The following LPA variants were observed in gnomAD, a reference collection of about 807,000 sequenced individuals.
LPA encodes the protein lipoprotein(a), also known as apolipoprotein(a).
In LPA, 199 loss-of-function variants were observed where a neutral mutation model predicts 197.9. The ratio of observed to expected loss-of-function variants is 1.01; its 90% CI spans 0.90 to 1.13. LPA has a LOEUF of 1.13. Among genes scored for constraint, LPA ranks in the 50% most tolerant of loss-of-function variants. LPA has a pLI of 0.00. For missense variants in LPA, 1,853 were observed against 1,785.8 expected (o/e 1.04, Z -0.68); for synonymous variants, 715 against 639.5 (o/e 1.12, Z -1.78).
rs767785181 is a variant in LPA, at chr6:160,599,496, G to A, written c.3287+4C>T. 8.1e-6 allele frequency: 13 copies of A among 1,613,280 alleles called. No individual in the cohort carries two copies. Among genetic ancestry groups the A allele is most frequent in the South Asian group, 4.4e-5 (4 of 91,048 alleles). ...TTCGCTTATGGTAAAGAACAAAGAC[G>A]TACGCATTTGGGTAGTTTTCTGGGG... is the stretch of plus-strand genomic sequence containing the variant. On this transcript the variant is annotated splice_donor_region_variant and intron_variant, in intron 20 of 38. Coordinates refer to ENST00000316300, the MANE Select transcript of LPA (RefSeq NM_005577.4).
rs62442778 is a variant in LPA, at chr6:160,635,134, G to A, written c.1064C>T (p.Pro355Leu). ...TVTPVPSLEAPSEQAPTEQRP... is the reference protein window; with the variant it reads ...TVTPVPSLEALSEQAPTEQRP... ...CACAGACTCCTTACCTTGTTCGGAA[G>A]GAGCCTCTAGGCTTGGAACCGGGGT... The change falls in exon 7 of 39, where the codon CCT becomes CTT. Residue 355 changes from proline to leucine, a missense_variant. Pro to Leu is a moderately conservative substitution (Grantham distance 98). Coordinates refer to ENST00000316300, the MANE Select transcript of LPA (RefSeq NM_005577.4). 1.5e-3 allele frequency: 2,278 copies of A among 1,481,316 alleles called. 17 individuals carry two copies. The highest frequency in any genetic ancestry group is 2.8e-3 in the Middle Eastern group (12 of 4,262). 91.8% of individuals were successfully genotyped at this position (1,481,316 alleles called of 1,614,324 possible).
intron 2 of LPA, among the ~76,000 whole-genome samples, chr6:160,647,740 A>T (rs1779925959): frequency 6.6e-6 from 1 of 152,206 alleles, no homozygotes; most frequent in South Asian, 2.1e-4. Context: ...TACACTTCCA[A>T]TTAATCCCTA....
At position 160,590,938 on chromosome 6, in the gene LPA, T is replaced by G; in HGVS notation, c.3787+6A>C. The G allele has an allele frequency of 6.2e-7, 1 of 1,613,920 alleles. No individual in the cohort carries two copies. Among genetic ancestry groups the G allele is most frequent in the Non-Finnish European group, 8.5e-7 (1 of 1,179,860 alleles). On this transcript the variant is annotated splice_donor_region_variant and intron_variant, in intron 23 of 38. Transcript: ENST00000316300. Reference sequence around the variant, plus strand: ...GGGTGTGGTTGTCTGGCCAGAGACTTCTTACCTTGTTCAGAAACAGCCGTG... The same window carrying G: ...GGGTGTGGTTGTCTGGCCAGAGACTGCTTACCTTGTTCAGAAACAGCCGTG...
intron 28 of LPA, among the ~76,000 whole-genome samples, chr6:160,568,712 T>C (rs1001494299): frequency 6.6e-6 from 1 of 152,232 alleles, no homozygotes; most frequent in African/African-American, 2.4e-5. Flanking sequence ...TGTTTGCAGA[T>C]GACATGATTG....
At chr6:160,574,967 G>A (rs140226982) in intron 28 of LPA, among the ~76,000 whole-genome samples, 7 of 152,302 alleles carry the variant, frequency 4.6e-5, no homozygotes, top group African/African-American at 1.7e-4. Flanking sequence ...CTTTAAAGAT[G>A]TTACTTTATT....
In LPA at chr6:160,586,436, G is replaced by A; in HGVS notation, c.4129+13C>T. 6.2e-7 allele frequency: 1 copy of A among 1,613,054 alleles called. No individual in the cohort carries two copies. Among genetic ancestry groups the A allele is most frequent in the East Asian group, 2.2e-5 (1 of 44,848 alleles). ...TGTCCGAGGGTATGGTTGTCTGACTGCAGGCTTCTTACCTTCTTCAGAAGG... is the reference window on the plus strand; with the variant it reads ...TGTCCGAGGGTATGGTTGTCTGACTACAGGCTTCTTACCTTCTTCAGAAGG... On this transcript the variant is annotated intron_variant, in intron 25 of 38. Transcript: ENST00000316300.
At chr6:160,564,617 G>A (rs1446381985) in intron 28 of LPA, among the ~76,000 whole-genome samples, 1 of 152,180 alleles carries the variant, frequency 6.6e-6, no homozygotes, top group Non-Finnish European at 1.5e-5. Context: ...TGCATTTCCA[G>A]CTGAGGTACT....
chr6:160,546,560 CT>C (rs1359932957), intron 32 of LPA, among the ~76,000 whole-genome samples: 2 of 152,164 alleles, frequency 1.3e-5, no homozygotes, highest in Non-Finnish European at 2.9e-5. Flanking sequence ...AAAAACAGAT[CT>C]TTATCCAGCT....
rs41264290 is a variant in LPA, at chr6:160,577,123, A to G, written c.4631+13T>C. ...GGCTGTTGCTCCTCTTATGGTTTTA[A>G]TCAAATACATACGCATTTGGGTAGT... On this transcript the variant is annotated intron_variant, in intron 28 of 38. Transcript: ENST00000316300. 475 of 1,612,734 alleles carry G rather than the reference A, an allele frequency of 2.9e-4. 1 individual carries two copies. The African/African-American group carries it at 5.9e-3, about 20-fold the overall frequency.
At chr6:160,595,657 TCCC>T in intron 20 of LPA, 122 bp from the exon 21 acceptor site, 1 of 1,392,232 alleles carries the variant, frequency 7.2e-7, no homozygotes, top group Non-Finnish European at 1.0e-6. Context: ...TCACTAAAGG[TCCC>T]ATAATATGCA....
chr6:160,598,098 G>A (rs1481281115), intron 20 of LPA, among the ~76,000 whole-genome samples: 2 of 152,144 alleles, frequency 1.3e-5, no homozygotes, highest in Admixed American at 6.5e-5. Context: ...TTTCAATGAG[G>A]TCTCTTCTCT....
chr6:160,555,432 A>C (rs1778243750), intron 30 of LPA, among the ~76,000 whole-genome samples: 1 of 82,770 alleles, frequency 1.2e-5, no homozygotes, highest in Admixed American at 1.1e-4. Flanking sequence ...ATGTTTCCCT[A>C]GAACATATAT....
chr6:160,610,040 T>G (rs904203811), intron 16 of LPA, among the ~76,000 whole-genome samples: 1 of 152,190 alleles, frequency 6.6e-6, no homozygotes, highest in Non-Finnish European at 1.5e-5. Flanking sequence ...GCACTTTTTT[T>G]AAATATCTGA....
rs1778283758 is a variant in LPA, at chr6:160,557,466, G to C, written c.4737C>G (p.Cys1579Trp). The C allele has an allele frequency of 6.2e-7, 1 of 1,614,058 alleles. No individual in the cohort carries two copies. The highest frequency in any genetic ancestry group is 1.3e-5 in the African/African-American group (1 of 74,998). ...CTAGGACACCTGATTCTGTTTCTGA[G>C]CATTGTGTCAGATTGCAGTACTCCC... Reference protein sequence around the residue: ...VRWEYCNLTQCSETESGVLET... With the variant: ...VRWEYCNLTQWSETESGVLET... Residue 1579 changes from cysteine (C) to tryptophan (W), a missense_variant, in exon 29 of 39, where the codon TGC (cysteine) becomes TGG (tryptophan). This residue lies in a region of LPA where 1,737 missense variants were observed against 1,504.4 expected (regional missense o/e 1.15). Coordinates refer to ENST00000316300, the MANE Select transcript of LPA (RefSeq NM_005577.4).
At chr6:160,662,463 C>T (rs943810479) in intron 1 of LPA, among the ~76,000 whole-genome samples, 18 of 152,176 alleles carry the variant, frequency 1.2e-4, no homozygotes, top group African/African-American at 3.4e-4. Context: ...AAAGATAACA[C>T]GTCCACAGAA....
chr6:160,541,002 G>A (rs1162471158), intron 35 of LPA, 105 bp downstream of exon 35: 10 of 923,724 alleles, frequency 1.1e-5, no homozygotes, highest in Non-Finnish European at 1.8e-5. Flanking sequence ...GAAGAGAGGT[G>A]GGGAGGAAGG....
intron 16 of LPA, among the ~76,000 whole-genome samples, chr6:160,609,763 G>A (rs1278631027): frequency 2.0e-5 from 3 of 151,696 alleles, no homozygotes; most frequent in Non-Finnish European, 2.9e-5. Flanking sequence ...GGATGTGCAT[G>A]TGTGTGTGTG....
At chr6:160,590,142 C>G (rs991739996) in intron 23 of LPA, among the ~76,000 whole-genome samples, 1 of 152,140 alleles carries the variant, frequency 6.6e-6, no homozygotes, top group African/African-American at 2.4e-5. Context: ...AAAGCCAAAG[C>G]CTTAAGTTTC....
Position 160,590,960 on chromosome 6 carries a change from C to A in LPA, c.3771G>T (p.Thr1257=), listed in dbSNP as rs375532698. Residue 1257 remains threonine (T), a synonymous_variant, in exon 23 of 39, where the codon ACG becomes ACT. Transcript: ENST00000316300. The part of the protein sequence containing the change: ...VTESSVLATS[T]AVSEQAPTEQ... ...ACTTCTTACCTTGTTCAGAAACAGC[C>A]GTGGACGTCGCAAGGACACTTGATT... 8.1e-6 allele frequency: 13 copies of A among 1,613,794 alleles called. No homozygotes were observed. The African/African-American group carries it at 1.1e-4, about 13-fold the overall frequency.
Sources: gnomAD v4.1 joint callset for allele counts (sites outside exome capture counted in the v4.1 genomes callset) on GRCh38, gnomAD v4.1.1 for gene constraint, gnomAD v4.1.1 regional missense constraint, MANE v1.5 for transcripts, NCBI Gene and HGNC (gene_info 2026-07-23, HGNC 2026-07-21) for gene names.